TLE2: variants seen among roughly 807,000 people sequenced by gnomAD.
TLE2 encodes transducin-like enhancer protein 2.
A neutral mutation model predicts 97.2 loss-of-function variants in TLE2; 74 were observed. That is an observed-to-expected ratio of 0.76 (90% confidence interval 0.63 to 0.92). TLE2 has a LOEUF of 0.92. TLE2 is among the 40% of genes least tolerant of loss of function. The pLI, the probability that TLE2 is intolerant of heterozygous loss-of-function variation, is 0.00. For synonymous variants in TLE2, 499 were observed against 432.1 expected (o/e 1.15, Z -1.92); for missense variants, 1,038 against 1,008.7 (o/e 1.03, Z -0.39).
chr19:3,043,004 A>G (rs2090116018), intron 1 of TLE2, among the ~76,000 whole-genome samples: 1 of 152,076 alleles, frequency 6.6e-6, no homozygotes, highest in Non-Finnish European at 1.5e-5. Context: ...TATTTTTTAG[A>G]GACAGGGGTC....
intron 13 of TLE2, among the ~76,000 whole-genome samples, chr19:3,009,179 G>T (rs2089538682): frequency 6.6e-6 from 1 of 152,184 alleles, no homozygotes; most frequent in Non-Finnish European, 1.5e-5. Flanking sequence ...CAAGGATCCT[G>T]AAGGGTTCTC....
chr19:3,047,347 C>T (rs1206158126), upstream of TLE2, among the ~76,000 whole-genome samples: 1 of 144,358 alleles, frequency 6.9e-6, no homozygotes, highest in East Asian at 2.2e-4. Context: ...CCGAGCACGC[C>T]CCCCCAGGAC....
chr19:3,026,968 A>C (rs1228154411), intron 4 of TLE2, among the ~76,000 whole-genome samples: 4 of 139,502 alleles, frequency 2.9e-5, no homozygotes, highest in South Asian at 2.3e-4. Context: ...AATTTCAGAA[A>C]TTTGAGGTCT....
Position 3,006,522 on chromosome 19 carries a change from G to C in TLE2, c.1398C>G (p.Ser466Arg). 6.2e-7 allele frequency: 1 copy of C among 1,607,688 alleles called. No individual in the cohort carries two copies. Among genetic ancestry groups the C allele is most frequent in the Non-Finnish European group, 8.5e-7 (1 of 1,178,022 alleles). The part of the protein sequence containing the change: ...HGEVVCAVTI[S>R]GSTQHVYTGG... ...CCGTGTACACATGCTGTGTGGAGCC[G>C]CTGATGGTGACCGCGCAGACCACCT... The change falls in exon 15 of 20, where the codon AGC (serine) becomes AGG (arginine). Residue 466 changes from serine (S) to arginine (R), a missense_variant. Ser to Arg is a moderately radical substitution (Grantham distance 110, BLOSUM62 -1). Coordinates refer to ENST00000262953, the MANE Select transcript of TLE2 (RefSeq NM_003260.5).
At chr19:3,004,739 G>A (rs113204121) in intron 17 of TLE2, among the ~76,000 whole-genome samples, 57 of 152,008 alleles carry the variant, frequency 3.7e-4, no homozygotes, top group Admixed American at 9.2e-4. Context: ...ACAGAAAGAA[G>A]AGAAAGGCAT....
intron 19 of TLE2, 40 bp from the exon 20 acceptor site, chr19:2,997,995 A>G: frequency 6.7e-7 from 1 of 1,488,352 alleles, no homozygotes; most frequent in Middle Eastern, 1.7e-4. Flanking sequence ...ACAGTGAGGC[A>G]TGGTCCCCAC....
intron 4 of TLE2, among the ~76,000 whole-genome samples, chr19:3,025,979 C>T (rs2089936621): frequency 6.6e-6 from 1 of 152,248 alleles, no homozygotes; most frequent in Admixed American, 6.5e-5. Flanking sequence ...CTTCTCCTTC[C>T]CAGCCACCGG....
chr19:3,027,779 T>C lies in TLE2; in HGVS notation c.231+50A>G, dbSNP rs749947472. ...CCCACTCTGGGTCCTTCTCAGGGCT[T>C]CCAGACCCCCACCCTCCCTCCTGAA... On this transcript the variant is annotated intron_variant, in intron 4 of 19. Coordinates refer to ENST00000262953, the MANE Select transcript of TLE2 (RefSeq NM_003260.5). 5.7e-6 allele frequency: 9 copies of C among 1,589,062 alleles called. No individual in the cohort carries two copies. In the African/African-American group the frequency reaches 9.4e-5, roughly 17 times the overall value.
Position 3,005,446 on chromosome 19 carries a change from G to A in TLE2, c.1887C>T (p.Phe629=), listed in dbSNP as rs376469738. The change falls in exon 17 of 20, where the codon TTC becomes TTT. Residue 629 remains phenylalanine (F), a synonymous_variant. Transcript: ENST00000262953. ...REGRQLQQHD[F]SSQIFSLGHC... ...CAGAACCGAACAGCACCTGGGAGCTGAAGTCATGCTGCTGCAGCTGGCGGC... is the reference window on the plus strand; with the variant it reads ...CAGAACCGAACAGCACCTGGGAGCTAAAGTCATGCTGCTGCAGCTGGCGGC... 6.2e-7 allele frequency: 1 copy of A among 1,613,704 alleles called. No homozygotes were observed. The highest frequency in any genetic ancestry group is 1.3e-5 in the African/African-American group (1 of 74,940).
At chr19:3,028,599 C>G in intron 2 of TLE2, 107 bp downstream of exon 2, 1 of 1,329,390 alleles carries the variant, frequency 7.5e-7, no homozygotes, top group Non-Finnish European at 1.1e-6. Flanking sequence ...CTTTGTCGCG[C>G]CCCCCCTCCA....
chr19:3,028,935 ACCAGAGCTTGATGAT>A lies in TLE2; in HGVS notation c.-46_-32del. 6.2e-7 allele frequency: 1 copy of A among 1,606,280 alleles called. No individual in the cohort carries two copies. The highest frequency in any genetic ancestry group is 8.5e-7 in the Non-Finnish European group (1 of 1,177,628). On this transcript the variant is annotated 5_prime_UTR_variant, in exon 1 of 20. Coordinates refer to ENST00000262953, the MANE Select transcript of TLE2 (RefSeq NM_003260.5). Reference sequence around the variant, plus strand: ...CGATCCGAAAAGCCCCCCAGGCGCCACCAGAGCTTGATGATATGGAGGCGGCAAGAGTGGGGGAGG... The same window carrying A: ...CGATCCGAAAAGCCCCCCAGGCGCCAATGGAGGCGGCAAGAGTGGGGGAGG...
intron 13 of TLE2, 77 bp downstream of exon 13, chr19:3,009,465 G>C: frequency 6.8e-7 from 1 of 1,467,478 alleles, no homozygotes; most frequent in Non-Finnish European, 9.0e-7. Flanking sequence ...GTCTCTCCTT[G>C]TGTAGTTGGT....
At chr19:2,998,659 C>T (rs995707976) in intron 19 of TLE2, among the ~76,000 whole-genome samples, 5 of 152,086 alleles carry the variant, frequency 3.3e-5, no homozygotes, top group Non-Finnish European at 5.9e-5. Context: ...GGCGATCCAC[C>T]GCCTAGGCCT....
Position 3,019,925 on chromosome 19 carries a change from T to C in TLE2, c.295-152A>G. ...ATCTTTTTCCCTCTCACTCTCTCCC[T>C]TTCCTTTTGGAATTTTGAAATAAGC... On this transcript the variant is annotated intron_variant, in intron 5 of 19. Transcript: ENST00000262953. This position sits in a 1 kb window ranked among gnomAD's most constrained non-coding sequence, Gnocchi z 5.1. The C allele has an allele frequency of 9.4e-7, 1 of 1,063,394 alleles. No homozygotes were observed. The highest frequency in any genetic ancestry group is 1.3e-6 in the Non-Finnish European group (1 of 754,610). The allele number at this position is 1,063,394 out of a possible 1,614,324, so 65.9% of individuals were successfully genotyped here. A position where few individuals can be genotyped will look rare whatever the true frequency, so the allele number is the denominator to read the frequency against.
intron 1 of TLE2, among the ~76,000 whole-genome samples, chr19:3,038,891 A>G (rs1011383915): frequency 6.6e-6 from 1 of 152,166 alleles, no homozygotes; most frequent in African/African-American, 2.4e-5. Context: ...CTAAAAATAC[A>G]AAATTAGCCA....
At chr19:3,001,493 T>C (rs1377538498) in intron 18 of TLE2, among the ~76,000 whole-genome samples, 4 of 152,038 alleles carry the variant, frequency 2.6e-5, no homozygotes, top group Admixed American at 6.6e-5. Context: ...TGAATGATTT[T>C]TTTTTAAAAA....
chr19:3,017,810 A>T, intron 8 of TLE2, 30 bp downstream of exon 8: 3 of 1,607,394 alleles, frequency 1.9e-6, no homozygotes, highest in Non-Finnish European at 1.7e-6. Context: ...CCAAGAATAT[A>T]AAAAGAGTCC....
At chr19:3,016,823 A>G (rs1382053142) in intron 8 of TLE2, among the ~76,000 whole-genome samples, 1 of 151,882 alleles carries the variant, frequency 6.6e-6, no homozygotes, top group South Asian at 2.1e-4. Flanking sequence ...CTGTCGCCCA[A>G]GCTGGAGTGC....
At chr19:3,006,394 C>A in intron 15 of TLE2, 26 bp downstream of exon 15, 1 of 1,602,852 alleles carries the variant, frequency 6.2e-7, no homozygotes, top group South Asian at 1.1e-5. Context: ...CTGTGAGTCC[C>A]GCCCACTGTC....
Sources: allele counts gnomAD v4.1 joint callset (sites outside exome capture counted in the v4.1 genomes callset), GRCh38; gene constraint gnomAD v4.1.1; non-coding constraint Gnocchi (gnomAD v3.1); transcripts MANE v1.5; gene names NCBI Gene and HGNC (gene_info 2026-07-23, HGNC 2026-07-21).